Variants in GPATCH2L observed in about 807,000 individuals in gnomAD.
The protein encoded by GPATCH2L is G patch domain-containing protein 2-like.
Under a neutral mutation model 57.4 loss-of-function variants are expected in GPATCH2L, and 31 were observed. That is an observed-to-expected ratio of 0.54 (90% CI 0.41 to 0.73). GPATCH2L has a LOEUF of 0.73. GPATCH2L is among the 30% of genes least tolerant of loss of function. The pLI, the probability that GPATCH2L is intolerant of heterozygous loss-of-function variation, is 0.00. For synonymous variants in GPATCH2L, 199 were observed against 210.7 expected (o/e 0.94, Z 0.48); for missense variants, 481 against 599.9 (o/e 0.80, Z 2.07).
intron 1 of GPATCH2L, among the ~76,000 whole-genome samples, chr14:76,220,169 C>A (rs78552302): frequency 0.022 from 3,372 of 152,240 alleles, 76 homozygotes; most frequent in South Asian, 0.077. Context: ...AAGGCAATTA[C>A]ACAAGGCTTT....
chr14:76,219,691 C>G (rs184089987), intron 1 of GPATCH2L, among the ~76,000 whole-genome samples: 13 of 152,130 alleles, frequency 8.5e-5, no homozygotes, highest in Non-Finnish European at 1.5e-4. Flanking sequence ...TACAGACAGA[C>G]CCAGGTGTCC....
Position 76,160,093 on chromosome 14 carries a change from C to T in GPATCH2L, c.662+5068C>T, listed in dbSNP as rs568545228. Among the ~76,000 whole-genome samples the T allele has an allele frequency of 2.2e-4, 34 of 152,206 alleles. No individual in the cohort carries two copies. In the South Asian group the frequency reaches 7.1e-3, roughly 32 times the overall value. Reference sequence around the variant, plus strand: ...AGCTTGCAGTGAGCCGAGATCACACCACTGCACTTGAGTGCACTCGAGCCT... The same window carrying T: ...AGCTTGCAGTGAGCCGAGATCACACTACTGCACTTGAGTGCACTCGAGCCT... On this transcript the variant is annotated intron_variant, in intron 2 of 9. Coordinates refer to ENST00000261530, the MANE Select transcript of GPATCH2L (RefSeq NM_017926.4).
intron 4 of GPATCH2L, among the ~76,000 whole-genome samples, chr14:76,172,427 C>T (rs368608555): frequency 3.7e-4 from 57 of 152,224 alleles, no homozygotes; most frequent in African/African-American, 7.7e-4. Context: ...GTTTTTAAAA[C>T]GGATGCTTTT....
At chr14:76,172,180 G>A (rs187890888) in intron 4 of GPATCH2L, among the ~76,000 whole-genome samples, 161 bp downstream of exon 4, 7 of 152,282 alleles carry the variant, frequency 4.6e-5, no homozygotes, top group Admixed American at 1.3e-4. Context: ...AAGTCTCAAA[G>A]CTTAAGGTTC....
rs1012191245 is a variant in GPATCH2L at position 76,207,777 on chromosome 14, A to G, written c.*5926A>G. On this transcript the variant is annotated 3_prime_UTR_variant, in exon 10 of 10. Transcript: ENST00000261530. Reference sequence around the variant, plus strand: ...GTTGTTGTTATTGTCTGACTCGTGGATTCAGCATTTCAGAATATGGTACTC... The same window carrying G: ...GTTGTTGTTATTGTCTGACTCGTGGGTTCAGCATTTCAGAATATGGTACTC... 1 of 152,310 alleles carries G rather than the reference A, an allele frequency of 6.6e-6. No homozygotes were observed. The highest frequency in any genetic ancestry group is 1.9e-4 in the East Asian group (1 of 5,192). 9.4% of individuals were successfully genotyped at this position (152,310 alleles called of 1,614,324 possible).
At chr14:76,175,675 T>G (rs2039291764) in intron 5 of GPATCH2L, 1 of 152,204 alleles carries the variant, frequency 6.6e-6, no homozygotes, top group African/African-American at 2.4e-5. Context: ...AACTTCTCAT[T>G]TAACTCCACT....
intron 2 of GPATCH2L, among the ~76,000 whole-genome samples, chr14:76,157,022 A>G (rs1191766099): frequency 1.3e-5 from 2 of 152,224 alleles, no homozygotes; most frequent in Admixed American, 1.3e-4. Flanking sequence ...TCATTCACCC[A>G]TTTGGGCTAT....
chr14:76,200,713 C>A (rs889994584), intron 9 of GPATCH2L, among the ~76,000 whole-genome samples: 8 of 152,128 alleles, frequency 5.3e-5, no homozygotes, highest in African/African-American at 1.9e-4. Context: ...CCGATACTTT[C>A]TATTTTTTTC....
chr14:76,179,216 C>T (rs2039463863), intron 7 of GPATCH2L: 1 of 151,922 alleles, frequency 6.6e-6, no homozygotes, highest in Admixed American at 6.6e-5. Flanking sequence ...TTTTAGATGG[C>T]ATATAGATGC....
intron 2 of GPATCH2L, among the ~76,000 whole-genome samples, chr14:76,161,504 A>G (rs2038581816): frequency 6.6e-6 from 1 of 152,202 alleles, no homozygotes; most frequent in South Asian, 2.1e-4. Flanking sequence ...TTACTCTTTC[A>G]GTTCTCACTT....
At chr14:76,184,930 T>A (rs947571831) in intron 8 of GPATCH2L, among the ~76,000 whole-genome samples, 1 of 152,238 alleles carries the variant, frequency 6.6e-6, no homozygotes, top group African/African-American at 2.4e-5. Context: ...CATATGGTTT[T>A]GTGACTGGTG....
intron 8 of GPATCH2L, among the ~76,000 whole-genome samples, chr14:76,185,101 C>T (rs750957135): frequency 6.6e-6 from 1 of 152,148 alleles, no homozygotes; most frequent in Non-Finnish European, 1.5e-5. Flanking sequence ...CTGCACGGTG[C>T]CCAGCACATA....
At position 76,204,030 on chromosome 14, in the gene GPATCH2L, A is replaced by C. The variant is rs1470025860; in HGVS notation, c.*2179A>C. On this transcript the variant is annotated 3_prime_UTR_variant, in exon 10 of 10. Coordinates refer to ENST00000261530, the MANE Select transcript of GPATCH2L (RefSeq NM_017926.4). ...ATGATTAAAAATAATTTTTATATACAACATTATTTACATTTCAAACATCTC... is the reference window on the plus strand; with the variant it reads ...ATGATTAAAAATAATTTTTATATACCACATTATTTACATTTCAAACATCTC... 2 of 152,186 alleles carry C rather than the reference A, an allele frequency of 1.3e-5. No homozygotes were observed. Among genetic ancestry groups the C allele is most frequent in the African/African-American group, 2.4e-5 (1 of 41,442 alleles). 9.4% of individuals were successfully genotyped at this position (152,186 alleles called of 1,614,324 possible).
intron 1 of GPATCH2L, among the ~76,000 whole-genome samples, chr14:76,222,972 GA>G (rs2040522342): frequency 7.0e-6 from 1 of 143,376 alleles, no homozygotes; most frequent in South Asian, 2.2e-4. Flanking sequence ...AAAAAAAAAA[GA>G]AAGAAAAAAA....
intron 9 of GPATCH2L, among the ~76,000 whole-genome samples, chr14:76,198,136 A>C (rs1287995989): frequency 6.6e-6 from 1 of 152,170 alleles, no homozygotes; most frequent in East Asian, 1.9e-4. Context: ...TTGAAAGTGT[A>C]GCACCTTTAT....
Position 76,154,035 on chromosome 14 carries a change from A to T in GPATCH2L, c.-10-319A>T, listed in dbSNP as rs757934326. 3.4e-5 allele frequency: 7 copies of T among 208,660 alleles called. No homozygotes were observed. The highest frequency in any genetic ancestry group is 5.7e-5 in the Non-Finnish European group (6 of 104,710). 12.9% of individuals were successfully genotyped at this position (208,660 alleles called of 1,614,324 possible). A position where few individuals can be genotyped will look rare whatever the true frequency, so the allele number is the denominator to read the frequency against. ...TGACAAGTTTAATTGGGGAAAAGAG[A>T]GAAGGATCTAGTCCCCCGAATTTGT... On this transcript the variant is annotated intron_variant, in intron 1 of 9. Transcript: ENST00000261530. The surrounding 1 kb of genome is among the most constrained non-coding windows in gnomAD (Gnocchi z 4.4).
chr14:76,182,844 C>A (rs2039627321), intron 8 of GPATCH2L, among the ~76,000 whole-genome samples: 1 of 152,184 alleles, frequency 6.6e-6, no homozygotes. Flanking sequence ...CCCCTAATGT[C>A]AAGGCTCAGG....
In GPATCH2L at chr14:76,195,975, G is replaced by A. The variant is rs1239324064; in HGVS notation, c.1288+3G>A. On this transcript the variant is annotated splice_donor_region_variant and intron_variant, in intron 9 of 9. Coordinates refer to ENST00000261530, the MANE Select transcript of GPATCH2L (RefSeq NM_017926.4). ...ATCTTTGTCTAGCCCCAGTGCAGGTGATTACATGCAGTTATCATTTATTGA... is the reference window on the plus strand; with the variant it reads ...ATCTTTGTCTAGCCCCAGTGCAGGTAATTACATGCAGTTATCATTTATTGA... 7 of 1,593,060 alleles carry A rather than the reference G, an allele frequency of 4.4e-6. No homozygotes were observed. Among genetic ancestry groups the A allele is most frequent in the Non-Finnish European group, 6.0e-6 (7 of 1,160,774 alleles).
rs866261690 is a variant in GPATCH2L, at chr14:76,202,185, A to G, written c.*334A>G. ...CAGTTGTCTTTGTTCTTGAAAAACC[A>G]GTAACTGCTTCTGCATACCTTTTGT... On this transcript the variant is annotated 3_prime_UTR_variant, in exon 10 of 10. Coordinates refer to ENST00000261530, the MANE Select transcript of GPATCH2L (RefSeq NM_017926.4). 5.4e-6 allele frequency: 1 copy of G among 184,518 alleles called. No individual in the cohort carries two copies. The highest frequency in any genetic ancestry group is 1.1e-5 in the Non-Finnish European group (1 of 89,332). The allele number at this position is 184,518 out of a possible 1,614,324, so 11.4% of individuals were successfully genotyped here.
Sources: gnomAD v4.1 joint callset for allele counts (sites outside exome capture counted in the v4.1 genomes callset) on GRCh38, gnomAD v4.1.1 for gene constraint, Gnocchi (gnomAD v3.1) non-coding constraint, MANE v1.5 for transcripts, NCBI Gene and HGNC (gene_info 2026-07-23, HGNC 2026-07-21) for gene names.